ZFP1: variants seen among roughly 807,000 people sequenced by gnomAD.
The protein encoded by ZFP1 is zinc finger protein 1 homolog.
Under a neutral mutation model 38.5 loss-of-function variants are expected in ZFP1, and 32 were observed. The ratio of observed to expected loss-of-function variants is 0.83; its 90% CI spans 0.63 to 1.12. ZFP1 has a LOEUF of 1.12. ZFP1 is among the 50% of genes most tolerant of loss of function. ZFP1 has a pLI of 0.00. For synonymous variants in ZFP1, 245 were observed against 168.8 expected, an observed-to-expected ratio of 1.45 and a Z score of -3.50; for missense variants, 616 against 480.8, an observed-to-expected ratio of 1.28 and a Z score of -2.63.
At chr16:75,138,280 C>A in the ZFP1 span, among the ~76,000 whole-genome samples, 2 of 151,944 alleles carry the variant, frequency 1.3e-5, no homozygotes, top group East Asian at 1.9e-4. Context: ...TATGATCCAC[C>A]CACCTTGGCC....
chr16:75,130,561 A>G, the ZFP1 span, among the ~76,000 whole-genome samples: 3 of 151,854 alleles, frequency 2.0e-5, no homozygotes, highest in Admixed American at 6.6e-5. Flanking sequence ...CAGTCACCCA[A>G]CTCCTGAGAT....
At chr16:75,159,257 C>A (rs987957788) in intron 2 of ZFP1, among the ~76,000 whole-genome samples, 6 of 149,818 alleles carry the variant, frequency 4.0e-5, no homozygotes, top group African/African-American at 1.5e-4. Context: ...CCCTTCCCTT[C>A]CTTTCCCTTC....
chr16:75,134,180 G>C, the ZFP1 span, among the ~76,000 whole-genome samples: 1 of 152,292 alleles, frequency 6.6e-6, no homozygotes, highest in African/African-American at 2.4e-5. Flanking sequence ...GGTGATGGTT[G>C]TGCAATATTA....
At chr16:75,163,527 G>T (rs568625955) in intron 2 of ZFP1, among the ~76,000 whole-genome samples, 1 of 151,624 alleles carries the variant, frequency 6.6e-6, no homozygotes, top group Admixed American at 6.6e-5. Flanking sequence ...GTCCAGGCTG[G>T]TATCAAACTC....
intron 3 of ZFP1, among the ~76,000 whole-genome samples, chr16:75,168,858 A>ATT (rs1476434653): frequency 1.3e-5 from 2 of 152,156 alleles, no homozygotes; most frequent in East Asian, 3.8e-4. Context: ...TTTCCCCTTA[A>ATT]TTCCCTCATC....
rs1343986384 is a variant in ZFP1, at chr16:75,169,754, A to G, written c.644A>G (p.Asn215Ser). 7 of 1,613,318 alleles carry G rather than the reference A, an allele frequency of 4.3e-6. No homozygotes were observed. The East Asian group carries it at 6.7e-5, about 15-fold the overall frequency. Residue 215 changes from asparagine (N) to serine (S), a missense_variant, in exon 4 of 4, where the codon AAT becomes AGT. Coordinates refer to ENST00000570010, the MANE Select transcript of ZFP1 (RefSeq NM_153688.4). ...ACTGGAGAAAAGCCATATGAATGCA[A>G]TGTATGTAAGAAAACCTTCTCCCAT... ...IHTGEKPYECNVCKKTFSHKA... is the reference protein window; with the variant it reads ...IHTGEKPYECSVCKKTFSHKA...
chr16:75,156,280 C>T lies in ZFP1; in HGVS notation c.15+3314C>T, dbSNP rs926997294. Among the ~76,000 whole-genome samples, 4 of 152,102 alleles carry T rather than the reference C, an allele frequency of 2.6e-5. No homozygotes were observed. In the East Asian group the frequency reaches 7.7e-4, roughly 29 times the overall value. ...ACCAGCCTGGCCAACATGGCGAAAC[C>T]CTGTCTTTACTAAAAATACAAAAAA... is the stretch of plus-strand genomic sequence containing the variant. On this transcript the variant is annotated intron_variant, in intron 2 of 3. Coordinates refer to ENST00000570010, the MANE Select transcript of ZFP1 (RefSeq NM_153688.4).
At chr16:75,134,824 G>A in the ZFP1 span, among the ~76,000 whole-genome samples, 9,620 of 151,756 alleles carry the variant, frequency 0.063, 939 homozygotes, top group African/African-American at 0.21. Context: ...TGGGGAGGCC[G>A]AGGCGGGCGG....
In ZFP1 at chr16:75,149,557, C is replaced by CTTTTTTTTTTTTTTTTT. The variant is rs34371791; in HGVS notation, c.-44+918_-44+934dup. 2.8e-4 allele frequency among the ~76,000 whole-genome samples: 29 copies of CTTTTTTTTTTTTTTTTT among 101,766 alleles called. 1 individual carries two copies. The highest frequency in any genetic ancestry group is 3.4e-4 in the African/African-American group (9 of 26,198). 66.8% of individuals were successfully genotyped at this position (101,766 alleles called of 152,430 possible). ...TTGTACCGTTTCTTTTCTTTACTTT[C>CTTTTTTTTTTTTTTTTT]TTTTTTTTTTTTTTTTTTTTGAGAC... On this transcript the variant is annotated intron_variant, in intron 1 of 3. Coordinates refer to ENST00000570010, the MANE Select transcript of ZFP1 (RefSeq NM_153688.4).
chr16:75,130,518 A>G, the ZFP1 span, among the ~76,000 whole-genome samples: 1 of 152,108 alleles, frequency 6.6e-6, no homozygotes, highest in Non-Finnish European at 1.5e-5. Context: ...CTTAAACTCC[A>G]TCATTTTGCT....
chr16:75,152,401 T>G (rs953206689), intron 1 of ZFP1, among the ~76,000 whole-genome samples: 1 of 152,232 alleles, frequency 6.6e-6, no homozygotes, highest in Non-Finnish European at 1.5e-5. Context: ...CCATTTCTCT[T>G]TGAGTTTCAG....
At chr16:75,125,252 C>CT in the ZFP1 span, among the ~76,000 whole-genome samples, 242 of 134,520 alleles carry the variant, frequency 1.8e-3, no homozygotes, top group Non-Finnish European at 2.8e-3. Context: ...GAGCAAGACT[C>CT]TATCTCGAAA....
chr16:75,139,144 C>T, the ZFP1 span, among the ~76,000 whole-genome samples: 1 of 151,888 alleles, frequency 6.6e-6, no homozygotes, highest in East Asian at 1.9e-4. Flanking sequence ...CTGAGGTGGG[C>T]GGATCACGAG....
the ZFP1 span, among the ~76,000 whole-genome samples, chr16:75,122,141 G>A: frequency 4.6e-5 from 7 of 152,194 alleles, no homozygotes; most frequent in Non-Finnish European, 8.8e-5. Context: ...GGTGCCCCTC[G>A]CAGATGAAAC....
rs573991696 is a variant in ZFP1 at position 75,171,042 on chromosome 16, T to G, written c.*708T>G. 1.9e-5 allele frequency: 1 copy of G among 52,064 alleles called. No homozygotes were observed. Among genetic ancestry groups the G allele is most frequent in the African/African-American group, 4.9e-5 (1 of 20,554 alleles). 3.2% of individuals were successfully genotyped at this position (52,064 alleles called of 1,614,324 possible). ...ATATGCAAATGTGAAATAACCGATC[T>G]ATAACGTGAAGGAGGCAGACATGAG... is the stretch of plus-strand genomic sequence containing the variant. On this transcript the variant is annotated 3_prime_UTR_variant, in exon 4 of 4. Coordinates refer to ENST00000570010, the MANE Select transcript of ZFP1 (RefSeq NM_153688.4).
intron 2 of ZFP1, chr16:75,157,117 T>C (rs1045612196): frequency 6.6e-6 from 1 of 152,264 alleles, no homozygotes; most frequent in African/African-American, 2.4e-5. Flanking sequence ...CTCTCTCTCA[T>C]GTTGATCTTT....
At chr16:75,165,151 C>G (rs185446001) in intron 2 of ZFP1, among the ~76,000 whole-genome samples, 1 of 151,910 alleles carries the variant, frequency 6.6e-6, no homozygotes, top group South Asian at 2.1e-4. Flanking sequence ...TATTTGTTGA[C>G]GTGTTGCCTA....
upstream of ZFP1, among the ~76,000 whole-genome samples, chr16:75,145,967 A>C (rs1444843936): frequency 6.6e-6 from 1 of 152,122 alleles, no homozygotes; most frequent in Non-Finnish European, 1.5e-5. Flanking sequence ...ACACACCCCT[A>C]GATGCTACCA....
At chr16:75,162,554 A>C (rs1301036590) in intron 2 of ZFP1, among the ~76,000 whole-genome samples, 1 of 152,186 alleles carries the variant, frequency 6.6e-6, no homozygotes, top group Non-Finnish European at 1.5e-5. Context: ...ATTTGGGGGT[A>C]CATGTGCAGA....
Sources: allele counts gnomAD v4.1 joint callset (sites outside exome capture counted in the v4.1 genomes callset), GRCh38; gene constraint gnomAD v4.1.1; transcripts MANE v1.5; gene names NCBI Gene and HGNC (gene_info 2026-07-23, HGNC 2026-07-21).